MOSMO: variants seen among roughly 807,000 people sequenced by gnomAD.
MOSMO encodes the protein modulator of smoothened.
A neutral mutation model predicts 18.4 loss-of-function variants in MOSMO; 5 were observed. The observed-to-expected ratio is 0.27, with a 90% CI of 0.14 to 0.57. MOSMO has a LOEUF of 0.57. MOSMO is among the 20% of genes least tolerant of loss of function. MOSMO has a pLI of 0.92. For synonymous variants in MOSMO, 82 were observed against 82.3 expected, an observed-to-expected ratio of 1.00 and a Z score of 0.02; for missense variants, 138 against 211.8, an observed-to-expected ratio of 0.65 and a Z score of 2.16.
At chr16:22,069,519 G>T (rs556919718) in intron 1 of MOSMO, among the ~76,000 whole-genome samples, 9 of 152,166 alleles carry the variant, frequency 5.9e-5, no homozygotes, top group Non-Finnish European at 1.3e-4. Flanking sequence ...AACTAAAGAG[G>T]CAGGAGGAAA....
intron 1 of MOSMO, among the ~76,000 whole-genome samples, chr16:22,021,618 T>G (rs1899764291): frequency 6.6e-6 from 1 of 152,054 alleles, no homozygotes; most frequent in African/African-American, 2.4e-5. Flanking sequence ...GGCAACATGA[T>G]GAAACCCTGT....
chr16:22,017,726 C>A (rs1168300988), intron 1 of MOSMO, among the ~76,000 whole-genome samples: 1 of 152,052 alleles, frequency 6.6e-6, no homozygotes, highest in Non-Finnish European at 1.5e-5. Context: ...CAATAATATA[C>A]CCTTACTGTG....
chr16:22,056,554 AT>A (rs548567053), intron 1 of MOSMO, among the ~76,000 whole-genome samples: 3 of 147,560 alleles, frequency 2.0e-5, no homozygotes, highest in African/African-American at 2.5e-5. Flanking sequence ...ATATATATAT[AT>A]TTTTTTTTGG....
Position 22,082,097 on chromosome 16 carries a change from C to T in MOSMO, c.*1217C>T, listed in dbSNP as rs1901095075. 1 of 152,070 alleles carries T rather than the reference C, an allele frequency of 6.6e-6. No homozygotes were observed. The highest frequency in any genetic ancestry group is 1.5e-5 in the Non-Finnish European group (1 of 68,004). The allele number at this position is 152,070 out of a possible 1,614,324, so 9.4% of individuals were successfully genotyped here. A position where few individuals can be genotyped will look rare whatever the true frequency, so the allele number is the denominator to read the frequency against. On this transcript the variant is annotated 3_prime_UTR_variant, in exon 3 of 3. Transcript: ENST00000542527. ...GCACACTTTACATAAATACAAAGTT[C>T]GCTAGTAAATATCTGGCTATTTTGG...
At chr16:22,074,740 G>A (rs948494565) in intron 1 of MOSMO, among the ~76,000 whole-genome samples, 9 of 152,122 alleles carry the variant, frequency 5.9e-5, no homozygotes, top group African/African-American at 1.9e-4. Flanking sequence ...ATTTGAATGG[G>A]GAGAGACACT....
chr16:22,065,657 CTA>C (rs1398307595), intron 1 of MOSMO, among the ~76,000 whole-genome samples: 1 of 152,086 alleles, frequency 6.6e-6, no homozygotes, highest in African/African-American at 2.4e-5. Context: ...TTCCTGAAAA[CTA>C]TTATTCAGTG....
intron 1 of MOSMO, among the ~76,000 whole-genome samples, chr16:22,021,193 A>G (rs191014429): frequency 3.1e-4 from 47 of 152,256 alleles, no homozygotes; most frequent in African/African-American, 1.1e-3. Flanking sequence ...GGTCTGGTCT[A>G]GAATGGTTAC....
chr16:22,008,477 C>A, intron 1 of MOSMO, 70 bp downstream of exon 1: 1 of 1,123,718 alleles, frequency 8.9e-7, no homozygotes, highest in Non-Finnish European at 1.3e-6. Context: ...GAGACCCGGA[C>A]TGAGGAGAGG....
chr16:22,019,894 A>G (rs1323535678), intron 1 of MOSMO, among the ~76,000 whole-genome samples: 1 of 152,150 alleles, frequency 6.6e-6, no homozygotes, highest in Non-Finnish European at 1.5e-5. Flanking sequence ...ATATCCATAG[A>G]ATTCAGGCTT....
chr16:22,065,975 C>G lies in MOSMO; in HGVS notation c.107-9512C>G, dbSNP rs1011989591. ...AGCTTGCAACAATTGAAGGAGCATT[C>G]GAGAAAATTGCCTGTATTTGGGTAA... On this transcript the variant is annotated intron_variant, in intron 1 of 2. Transcript: ENST00000542527. Among the ~76,000 whole-genome samples, 7 of 152,302 alleles carry G rather than the reference C, an allele frequency of 4.6e-5. No individual in the cohort carries two copies. In the East Asian group the frequency reaches 1.4e-3, roughly 29 times the overall value.
intron 1 of MOSMO, among the ~76,000 whole-genome samples, chr16:22,029,089 CT>C: frequency 6.6e-6 from 1 of 152,236 alleles, no homozygotes; most frequent in East Asian, 1.9e-4. Context: ...CCAGGCTGGT[CT>C]CGAACTCCTG....
downstream of MOSMO, chr16:22,092,304 A>C (rs1425943356): frequency 3.7e-6 from 1 of 269,758 alleles, no homozygotes; most frequent in Non-Finnish European, 7.3e-6. Context: ...CCTAAACCAT[A>C]GTTCTGTGCT....
intron 1 of MOSMO, among the ~76,000 whole-genome samples, chr16:22,049,336 C>T (rs898765894): frequency 5.3e-5 from 8 of 152,112 alleles, no homozygotes; most frequent in African/African-American, 1.7e-4. Flanking sequence ...GAGTAACCTC[C>T]GTCTTACATG....
chr16:22,040,827 A>G (rs1417630930), intron 1 of MOSMO, among the ~76,000 whole-genome samples: 1 of 152,146 alleles, frequency 6.6e-6, no homozygotes, highest in African/African-American at 2.4e-5. Flanking sequence ...AAGTAAAGAC[A>G]CAAAGACACG....
intron 1 of MOSMO, among the ~76,000 whole-genome samples, chr16:22,061,010 G>T (rs750372610): frequency 6.6e-5 from 10 of 152,124 alleles, no homozygotes; most frequent in Non-Finnish European, 1.5e-4. Context: ...ATGAAAACGG[G>T]TCTTTACAAA....
At chr16:22,037,654 C>T (rs1900133918) in intron 1 of MOSMO, among the ~76,000 whole-genome samples, 1 of 152,220 alleles carries the variant, frequency 6.6e-6, no homozygotes, top group South Asian at 2.1e-4. Flanking sequence ...CCATCACCTC[C>T]TCCTCAGTTT....
intron 1 of MOSMO, among the ~76,000 whole-genome samples, chr16:22,058,320 G>C (rs1380806853): frequency 6.6e-6 from 1 of 151,992 alleles, no homozygotes; most frequent in African/African-American, 2.4e-5. Flanking sequence ...CAGCTACTTG[G>C]GGGGCTGAGG....
At chr16:22,061,614 T>C (rs189434411) in intron 1 of MOSMO, among the ~76,000 whole-genome samples, 2 of 152,352 alleles carry the variant, frequency 1.3e-5, no homozygotes, top group South Asian at 2.1e-4. Flanking sequence ...GCACAGATCT[T>C]GTGCTCAGTA....
intron 1 of MOSMO, among the ~76,000 whole-genome samples, chr16:22,071,406 C>T (rs1402789768): frequency 2.0e-5 from 3 of 152,188 alleles, no homozygotes; most frequent in Non-Finnish European, 4.4e-5. Context: ...GACTGGTGGC[C>T]GTGCGCCTTT....
Sources: allele counts gnomAD v4.1 joint callset (sites outside exome capture counted in the v4.1 genomes callset), GRCh38; gene constraint gnomAD v4.1.1; transcripts MANE v1.5; gene names NCBI Gene and HGNC (gene_info 2026-07-23, HGNC 2026-07-21).